Variants in TTC7B observed in about 807,000 individuals in gnomAD.
The protein encoded by TTC7B is tetratricopeptide repeat domain 7B.
Under a neutral mutation model 106.8 loss-of-function variants are expected in TTC7B, and 28 were observed. The observed-to-expected ratio is 0.26, with a 90% CI of 0.19 to 0.36. The LOEUF (loss-of-function observed/expected upper bound fraction) is 0.36, where lower values mean the gene tolerates loss of function less well. Among genes scored for constraint, TTC7B ranks in the 10% least tolerant of loss-of-function variants. TTC7B has a pLI of 1.00. For missense variants in TTC7B, 862 were observed against 1,076.4 expected, an observed-to-expected ratio of 0.80 and a Z score of 2.79; for synonymous variants, 405 against 430.6, an observed-to-expected ratio of 0.94 and a Z score of 0.74.
rs142884732 is a variant in TTC7B at position 90,772,932 on chromosome 14, G to A, written c.445+7806C>T. The A allele has an allele frequency of 2.2e-3, 332 of 152,314 alleles. 11 individuals are homozygous for A. The East Asian group carries it at 0.056, about 26-fold the overall frequency. 9.4% of individuals were successfully genotyped at this position (152,314 alleles called of 1,614,324 possible). ...GCCGAGATCACACCAGCCTGGCAAC[G>A]GAGCGTGACCCTGTTTCAAAAAAGT... On this transcript the variant is annotated intron_variant, in intron 3 of 19. Coordinates refer to ENST00000328459, the MANE Select transcript of TTC7B (RefSeq NM_001010854.2).
chr14:90,573,735 G>T (rs1222343831), intron 19 of TTC7B, among the ~76,000 whole-genome samples: 1 of 152,082 alleles, frequency 6.6e-6, no homozygotes, highest in Non-Finnish European at 1.5e-5. Flanking sequence ...TGTCCACTCC[G>T]CCAAGCCCTG....
intron 19 of TTC7B, among the ~76,000 whole-genome samples, chr14:90,559,119 C>G (rs1451100529): frequency 1.3e-5 from 2 of 152,232 alleles, no homozygotes; most frequent in African/African-American, 4.8e-5. Context: ...GGGCAGGGCA[C>G]AGTGATGTGA....
At chr14:90,582,642 C>T (rs560273508) in intron 18 of TTC7B, among the ~76,000 whole-genome samples, 25 of 152,304 alleles carry the variant, frequency 1.6e-4, no homozygotes, top group Admixed American at 7.8e-4. Flanking sequence ...TCTTGGAGAC[C>T]GCAGGGTGAG....
chr14:90,563,601 G>A (rs560026175), intron 19 of TTC7B, among the ~76,000 whole-genome samples: 1 of 152,220 alleles, frequency 6.6e-6, no homozygotes, highest in South Asian at 2.1e-4. Context: ...AGACAACAGT[G>A]GGTACAATAA....
chr14:90,661,533 G>C (rs1886206052), intron 9 of TTC7B, among the ~76,000 whole-genome samples: 1 of 152,106 alleles, frequency 6.6e-6, no homozygotes, highest in African/African-American at 2.4e-5. Flanking sequence ...AACTGACTTG[G>C]GGATGGGGAT....
intron 17 of TTC7B, among the ~76,000 whole-genome samples, chr14:90,607,182 A>T (rs1057347712): frequency 6.6e-6 from 1 of 152,194 alleles, no homozygotes; most frequent in Non-Finnish European, 1.5e-5. Context: ...AACAGAAAAA[A>T]AATAAATTTA....
At position 90,532,332 on chromosome 14, in the gene TTC7B, C is replaced by T. The variant is rs1398549746; in HGVS notation, c.*9036G>A. 6.6e-6 allele frequency: 1 copy of T among 152,180 alleles called. No individual in the cohort carries two copies. Among genetic ancestry groups the T allele is most frequent in the Non-Finnish European group, 1.5e-5 (1 of 68,042 alleles). 9.4% of individuals were successfully genotyped at this position (152,180 alleles called of 1,614,324 possible). ...ATTTAAAGTTGATCCCCTATTTGTA[C>T]ATTACAGGATGCTCTTCCCTCTTCA... On this transcript the variant is annotated 3_prime_UTR_variant, in exon 20 of 20. Coordinates refer to ENST00000328459, the MANE Select transcript of TTC7B (RefSeq NM_001010854.2).
intron 18 of TTC7B, among the ~76,000 whole-genome samples, chr14:90,582,393 C>G (rs1891536403): frequency 6.6e-6 from 1 of 152,242 alleles, no homozygotes; most frequent in South Asian, 2.1e-4. Context: ...TGTGCCTAGC[C>G]CATAGCTCTC....
At chr14:90,615,012 C>T (rs1893012337) in intron 16 of TTC7B, among the ~76,000 whole-genome samples, 1 of 152,174 alleles carries the variant, frequency 6.6e-6, no homozygotes, top group Admixed American at 6.5e-5. Flanking sequence ...AGCAAAACTG[C>T]AGACCGAGAG....
rs1566796201 is a variant in TTC7B at position 90,608,762 on chromosome 14, C to T, written c.1966+1980G>A. Among the ~76,000 whole-genome samples the T allele has an allele frequency of 6.6e-6, 1 of 152,130 alleles. No homozygotes were observed. Among genetic ancestry groups the T allele is most frequent in the Non-Finnish European group, 1.5e-5 (1 of 68,020 alleles). On this transcript the variant is annotated intron_variant, in intron 17 of 19. Coordinates refer to ENST00000328459, the MANE Select transcript of TTC7B (RefSeq NM_001010854.2). The surrounding 1 kb of genome is among the most constrained non-coding windows in gnomAD (Gnocchi z 5.1). ...CTAGGAAAAATGTCCCAATGGGCAACGGGAAGAATGAATAACAAGGACCTC... is the reference window on the plus strand; with the variant it reads ...CTAGGAAAAATGTCCCAATGGGCAATGGGAAGAATGAATAACAAGGACCTC...
intron 19 of TTC7B, among the ~76,000 whole-genome samples, chr14:90,573,637 T>C (rs1383159966): frequency 6.8e-6 from 1 of 146,008 alleles, no homozygotes; most frequent in Non-Finnish European, 1.5e-5. Context: ...CATGGTCCCT[T>C]TCGGGCTCAT....
In TTC7B at chr14:90,780,650, C is replaced by T; in HGVS notation, c.445+88G>A. On this transcript the variant is annotated intron_variant, in intron 3 of 19. Coordinates refer to ENST00000328459, the MANE Select transcript of TTC7B (RefSeq NM_001010854.2). ...TGGGAACTGCCAGGTTCATCACCAG[C>T]CAAGGGCCAAGGGTCAAATAGGCAG... The T allele has an allele frequency of 2.0e-6, 3 of 1,467,950 alleles. No individual in the cohort carries two copies. The South Asian group carries it at 4.0e-5, about 19-fold the overall frequency. The allele number at this position is 1,467,950 out of a possible 1,614,324, so 90.9% of individuals were successfully genotyped here. A position where few individuals can be genotyped will look rare whatever the true frequency, so the allele number is the denominator to read the frequency against.
At chr14:90,579,483 G>T (rs1891397743) in intron 18 of TTC7B, among the ~76,000 whole-genome samples, 1 of 152,210 alleles carries the variant, frequency 6.6e-6, no homozygotes. Flanking sequence ...AAAATAGAAA[G>T]TTAAAAGAAC....
chr14:90,575,647 G>T lies in TTC7B; in HGVS notation c.2310+2459C>A, dbSNP rs1891234580. Among the ~76,000 whole-genome samples the T allele has an allele frequency of 6.6e-6, 1 of 152,182 alleles. No homozygotes were observed. The highest frequency in any genetic ancestry group is 1.5e-5 in the Non-Finnish European group (1 of 68,022). ...CCTGGCTGTGGGCTGGGCTCCTGGG[G>T]ACAGGCTGGGGAGAACACAGGCCAG... On this transcript the variant is annotated intron_variant, in intron 19 of 19. Transcript: ENST00000328459. This position sits in a 1 kb window ranked among gnomAD's most constrained non-coding sequence, Gnocchi z 5.2.
Position 90,577,636 on chromosome 14 carries a change from C to T in TTC7B, c.2310+470G>A, listed in dbSNP as rs1396761965. Among the ~76,000 whole-genome samples, 2 of 152,346 alleles carry T rather than the reference C, an allele frequency of 1.3e-5. No homozygotes were observed. The highest frequency in any genetic ancestry group is 6.5e-5 in the Admixed American group (1 of 15,308). On this transcript the variant is annotated intron_variant, in intron 19 of 19. Coordinates refer to ENST00000328459, the MANE Select transcript of TTC7B (RefSeq NM_001010854.2). The surrounding 1 kb of genome is among the most constrained non-coding windows in gnomAD (Gnocchi z 5.0). ...AGGATGCTCCCTCCCAGCCAATGGCCTCAGAGACATGCTGGAGTCTCAGGC... is the reference window on the plus strand; with the variant it reads ...AGGATGCTCCCTCCCAGCCAATGGCTTCAGAGACATGCTGGAGTCTCAGGC...
intron 7 of TTC7B, among the ~76,000 whole-genome samples, chr14:90,687,167 C>T (rs551507581): frequency 2.6e-5 from 4 of 152,220 alleles, no homozygotes; most frequent in Non-Finnish European, 5.9e-5. Flanking sequence ...CACTGAATTG[C>T]ACACCTTCAA....
At chr14:90,556,822 G>C (rs935708312) in intron 19 of TTC7B, among the ~76,000 whole-genome samples, 1 of 152,188 alleles carries the variant, frequency 6.6e-6, no homozygotes, top group Non-Finnish European at 1.5e-5. Flanking sequence ...CCTGCTGCAG[G>C]CACAGGCTTC....
At chr14:90,714,860 A>G (rs1218475142) in intron 5 of TTC7B, among the ~76,000 whole-genome samples, 1 of 152,194 alleles carries the variant, frequency 6.6e-6, no homozygotes, top group East Asian at 1.9e-4. Context: ...AGCTTCCTCT[A>G]TGACAATTCC....
At chr14:90,700,943 G>A (rs901364944) in intron 5 of TTC7B, among the ~76,000 whole-genome samples, 5 of 151,778 alleles carry the variant, frequency 3.3e-5, no homozygotes, top group African/African-American at 9.7e-5. Context: ...CACTGTGGCC[G>A]GCTGTCAGGG....
Sources: gnomAD v4.1 joint callset for allele counts (sites outside exome capture counted in the v4.1 genomes callset) on GRCh38, gnomAD v4.1.1 for gene constraint, Gnocchi (gnomAD v3.1) non-coding constraint, MANE v1.5 for transcripts, NCBI Gene and HGNC (gene_info 2026-07-23, HGNC 2026-07-21) for gene names.